Variants in CPNE8 observed in about 807,000 individuals in gnomAD.
The protein encoded by CPNE8 is copine-8.
CPNE8 carries 45 observed loss-of-function variants against 81.5 expected under a neutral mutation model. That is an observed-to-expected ratio of 0.55 (90% CI 0.44 to 0.71). The LOEUF is 0.71. Ranked by LOEUF, CPNE8 falls within the 30% of genes least tolerant of loss-of-function variation. CPNE8 has a pLI of 0.00. For missense variants in CPNE8, 594 were observed against 672.1 expected, an observed-to-expected ratio of 0.88 and a Z score of 1.28; for synonymous variants, 252 against 226.3, an observed-to-expected ratio of 1.11 and a Z score of -1.02.
intron 10 of CPNE8, among the ~76,000 whole-genome samples, chr12:38,743,804 T>C (rs1305477148): frequency 2.0e-5 from 1 of 49,594 alleles, no homozygotes; most frequent in Admixed American, 2.0e-4. Flanking sequence ...ATCTCCAGTA[T>C]ACTGGAGAAG....
At chr12:38,686,071 C>T (rs1044671159) in intron 15 of CPNE8, among the ~76,000 whole-genome samples, 7 of 151,984 alleles carry the variant, frequency 4.6e-5, no homozygotes, top group African/African-American at 1.7e-4. Flanking sequence ...TCTATTTTTC[C>T]AATTTTTCTG....
intron 18 of CPNE8, among the ~76,000 whole-genome samples, chr12:38,671,406 GTTGA>G (rs1939173507): frequency 2.0e-5 from 3 of 151,974 alleles, no homozygotes; most frequent in East Asian, 3.9e-4. Flanking sequence ...CAATTTTTTT[GTTGA>G]TTAAGAAATA....
In CPNE8 at chr12:38,843,590, G is replaced by T. The variant is rs950075957; in HGVS notation, c.291-3635C>A. Among the ~76,000 whole-genome samples, 5 of 152,090 alleles carry T rather than the reference G, an allele frequency of 3.3e-5. No homozygotes were observed. The South Asian group carries it at 1.0e-3, about 32-fold the overall frequency. On this transcript the variant is annotated intron_variant, in intron 4 of 19. Transcript: ENST00000331366. ...AGTAAGCTACGGGGCCCTGCTGCAA[G>T]TCCACCCTGGGGCTGTCAATAAAAG...
At chr12:38,856,516 C>T (rs1160058340) in intron 3 of CPNE8, among the ~76,000 whole-genome samples, 1 of 152,086 alleles carries the variant, frequency 6.6e-6, no homozygotes, top group Non-Finnish European at 1.5e-5. Context: ...TGTCTATAAT[C>T]CTCACTAGCT....
intron 1 of CPNE8, among the ~76,000 whole-genome samples, chr12:38,896,976 CTT>C (rs1031702363): frequency 1.3e-5 from 2 of 152,022 alleles, no homozygotes; most frequent in African/African-American, 4.8e-5. Context: ...ATTGTACAGA[CTT>C]TATTTCATTT....
chr12:38,653,675 A>T lies in CPNE8; in HGVS notation c.*207T>A. The T allele has an allele frequency of 2.0e-6, 1 of 495,664 alleles. No individual in the cohort carries two copies. The allele number at this position is 495,664 out of a possible 1,614,324, so 30.7% of individuals were successfully genotyped here. A position where few individuals can be genotyped will look rare whatever the true frequency, so the allele number is the denominator to read the frequency against. On this transcript the variant is annotated 3_prime_UTR_variant, in exon 20 of 20. Transcript: ENST00000331366. ...CATCCATACTTTGCTTCAAGCATTT[A>T]AACAATTTTTTCTGTTGCTCATGCA...
chr12:38,798,536 G>A (rs1555161240), intron 6 of CPNE8, among the ~76,000 whole-genome samples: 1 of 151,928 alleles, frequency 6.6e-6, no homozygotes, highest in Non-Finnish European at 1.5e-5. Context: ...CCCTAAAAGA[G>A]CTCCTGAAGG....
At chr12:38,711,029 G>T (rs1940243443) in intron 13 of CPNE8, among the ~76,000 whole-genome samples, 1 of 152,064 alleles carries the variant, frequency 6.6e-6, no homozygotes, top group Non-Finnish European at 1.5e-5. Context: ...GTCTACAATA[G>T]AATAATTTCA....
intron 10 of CPNE8, among the ~76,000 whole-genome samples, chr12:38,730,817 G>C (rs532171793): frequency 6.6e-6 from 1 of 150,902 alleles, no homozygotes. Context: ...ATTTTAAAAA[G>C]TTATAACATA....
intron 14 of CPNE8, among the ~76,000 whole-genome samples, chr12:38,698,620 T>C (rs183638989): frequency 2.6e-5 from 4 of 152,318 alleles, no homozygotes; most frequent in Admixed American, 2.0e-4. Context: ...TGCATGTGGC[T>C]ATCCAGTTGT....
At chr12:38,666,920 T>C (rs545340566) in intron 19 of CPNE8, among the ~76,000 whole-genome samples, 5 of 152,274 alleles carry the variant, frequency 3.3e-5, no homozygotes, top group Non-Finnish European at 7.4e-5. Context: ...ACCTGTCACA[T>C]AAAGTTAATT....
chr12:38,816,897 G>A (rs568869243), intron 6 of CPNE8, among the ~76,000 whole-genome samples: 1 of 152,270 alleles, frequency 6.6e-6, no homozygotes, highest in Admixed American at 6.5e-5. Context: ...GAAATGTCAA[G>A]ATTATTGGAA....
intron 6 of CPNE8, among the ~76,000 whole-genome samples, chr12:38,799,510 C>T (rs1303506196): frequency 2.0e-5 from 3 of 152,040 alleles, no homozygotes; most frequent in Admixed American, 6.6e-5. Flanking sequence ...AGAACAAAGA[C>T]ACAACATACC....
chr12:38,865,662 C>A (rs955008347), intron 3 of CPNE8, among the ~76,000 whole-genome samples: 2 of 152,166 alleles, frequency 1.3e-5, no homozygotes, highest in African/African-American at 2.4e-5. Flanking sequence ...TCCCTTTCTT[C>A]ATCTAGATGA....
intron 10 of CPNE8, among the ~76,000 whole-genome samples, chr12:38,750,146 C>T (rs1206439096): frequency 1.3e-5 from 2 of 152,138 alleles, no homozygotes; most frequent in South Asian, 2.1e-4. Context: ...GGTGGAAGCC[C>T]CAAGCCTTGG....
chr12:38,874,364 C>T lies in CPNE8; in HGVS notation c.139+107G>A, dbSNP rs150240778. ...GTATGTAGGGCTTGGGACCATTCTC[C>T]TGTTGCTTTCTAGGCTTTAAAACAA... On this transcript the variant is annotated intron_variant, in intron 2 of 19. Coordinates refer to ENST00000331366, the MANE Select transcript of CPNE8 (RefSeq NM_153634.3). The T allele has an allele frequency of 1.3e-3, 1,009 of 791,128 alleles. 8 individuals are homozygous for T. The highest frequency in any genetic ancestry group is 9.9e-3 in the African/African-American group (573 of 58,064). 49.0% of individuals were successfully genotyped at this position (791,128 alleles called of 1,614,324 possible). A position where few individuals can be genotyped will look rare whatever the true frequency, so the allele number is the denominator to read the frequency against.
At chr12:38,687,823 A>G (rs1939567797) in intron 15 of CPNE8, among the ~76,000 whole-genome samples, 1 of 152,138 alleles carries the variant, frequency 6.6e-6, no homozygotes, top group Admixed American at 6.5e-5. Context: ...AAACATTTTT[A>G]TTAACCCTCA....
intron 16 of CPNE8, among the ~76,000 whole-genome samples, chr12:38,683,404 C>T (rs1324386241): frequency 2.6e-5 from 4 of 151,972 alleles, no homozygotes; most frequent in Admixed American, 6.6e-5. Context: ...TACTTACCTC[C>T]TACATAATAG....
At chr12:38,780,357 T>A (rs1270949509) in intron 6 of CPNE8, among the ~76,000 whole-genome samples, 1 of 151,980 alleles carries the variant, frequency 6.6e-6, no homozygotes, top group Non-Finnish European at 1.5e-5. Flanking sequence ...AGAACACAAA[T>A]GTAAAAGGTC....
Sources: gnomAD v4.1 joint callset for allele counts (sites outside exome capture counted in the v4.1 genomes callset) on GRCh38, gnomAD v4.1.1 for gene constraint, MANE v1.5 for transcripts, NCBI Gene and HGNC (gene_info 2026-07-23, HGNC 2026-07-21) for gene names.